The following FTO variants were observed in gnomAD, a reference collection of about 807,000 sequenced individuals.
FTO encodes alpha-ketoglutarate-dependent dioxygenase FTO.
In FTO, 47 loss-of-function variants were observed where a neutral mutation model predicts 63.9. That is an observed-to-expected ratio of 0.74 (90% CI 0.58 to 0.94). FTO has a LOEUF of 0.94. FTO is among the 40% of genes least tolerant of loss of function. The pLI is 0.00. For synonymous variants in FTO, 207 were observed against 224.4 expected (o/e 0.92, Z 0.69); for missense variants, 562 against 618.1 (o/e 0.91, Z 0.96).
chr16:54,061,096 T>G (rs1472331425), intron 8 of FTO, among the ~76,000 whole-genome samples: 3 of 152,220 alleles, frequency 2.0e-5, no homozygotes, highest in African/African-American at 7.2e-5. Flanking sequence ...TCGGAATCCC[T>G]TGAGGGTCCA....
chr16:54,060,999 T>C (rs76520767), intron 8 of FTO, among the ~76,000 whole-genome samples: 1 of 152,194 alleles, frequency 6.6e-6, no homozygotes, highest in African/African-American at 2.4e-5. Flanking sequence ...TGGCTTTCGA[T>C]GGGCAACAGA....
At chr16:54,108,633 G>A (rs2086809467) in intron 8 of FTO, among the ~76,000 whole-genome samples, 2 of 152,206 alleles carry the variant, frequency 1.3e-5, no homozygotes. Flanking sequence ...TGGAGTAGAA[G>A]TAACGATAGT....
chr16:53,862,423 A>C (rs997216704), intron 4 of FTO, among the ~76,000 whole-genome samples: 3 of 152,152 alleles, frequency 2.0e-5, no homozygotes, highest in African/African-American at 7.2e-5. Flanking sequence ...TTTTTAACAG[A>C]ATATGTTTAT....
intron 1 of FTO, among the ~76,000 whole-genome samples, chr16:53,763,091 A>G (rs1011734395): frequency 1.3e-5 from 2 of 152,230 alleles, no homozygotes; most frequent in African/African-American, 4.8e-5. Context: ...GAAAATTAAC[A>G]TAAAGGAAGA....
chr16:54,061,273 G>C (rs563657636), intron 8 of FTO, among the ~76,000 whole-genome samples: 3 of 152,282 alleles, frequency 2.0e-5, no homozygotes, highest in African/African-American at 7.2e-5. Flanking sequence ...TGGTTCTGCA[G>C]CCTTGTCCCT....
chr16:54,010,973 G>A (rs151078957), intron 8 of FTO, among the ~76,000 whole-genome samples: 16 of 152,262 alleles, frequency 1.1e-4, no homozygotes, highest in Admixed American at 7.2e-4. Flanking sequence ...GGATTTGGGC[G>A]TTTTAAAATC....
At chr16:53,781,487 T>C (rs1481926398) in intron 1 of FTO, among the ~76,000 whole-genome samples, 1 of 152,168 alleles carries the variant, frequency 6.6e-6, no homozygotes, top group Non-Finnish European at 1.5e-5. Flanking sequence ...CATTCAGTGG[T>C]GGAAGAAAAG....
intron 7 of FTO, among the ~76,000 whole-genome samples, chr16:53,893,268 C>T (rs2081197915): frequency 6.6e-6 from 1 of 152,140 alleles, no homozygotes; most frequent in African/African-American, 2.4e-5. Flanking sequence ...CACTATAATA[C>T]TATTCAAATA....
chr16:54,120,569 A>G lies in FTO; in HGVS notation c.*8654A>G, dbSNP rs1464402946. 1 of 152,216 alleles carries G rather than the reference A, an allele frequency of 6.6e-6. No individual in the cohort carries two copies. Among genetic ancestry groups the G allele is most frequent in the Non-Finnish European group, 1.5e-5 (1 of 68,032 alleles). 9.4% of individuals were successfully genotyped at this position (152,216 alleles called of 1,614,324 possible). A position where few individuals can be genotyped will look rare whatever the true frequency, so the allele number is the denominator to read the frequency against. ...GAAGTTTTTAATATGTCACACCCATATTTTATAGATGGGGCAATGGAAGTC... is the reference window on the plus strand; with the variant it reads ...GAAGTTTTTAATATGTCACACCCATGTTTTATAGATGGGGCAATGGAAGTC... On this transcript the variant is annotated 3_prime_UTR_variant, in exon 9 of 9. Coordinates refer to ENST00000471389, the MANE Select transcript of FTO (RefSeq NM_001080432.3).
At chr16:53,897,659 G>A (rs1361758539) in intron 7 of FTO, among the ~76,000 whole-genome samples, 1 of 152,152 alleles carries the variant, frequency 6.6e-6, no homozygotes, top group East Asian at 1.9e-4. Flanking sequence ...GGATGGGAGT[G>A]GTGGCATATA....
chr16:54,101,551 A>C (rs1481701924), intron 8 of FTO, among the ~76,000 whole-genome samples: 10 of 151,788 alleles, frequency 6.6e-5, no homozygotes, highest in African/African-American at 2.4e-4. Context: ...TATTTTCTTT[A>C]TTTAATCTTT....
At chr16:54,025,116 T>A (rs2084684529) in intron 8 of FTO, among the ~76,000 whole-genome samples, 1 of 152,068 alleles carries the variant, frequency 6.6e-6, no homozygotes, top group Non-Finnish European at 1.5e-5. Context: ...TCTGAAGGAG[T>A]TTAGTCTGGA....
rs544159587 is a variant in FTO at position 53,939,487 on chromosome 16, G to A, written c.1364+5378G>A. Reference sequence around the variant, plus strand: ...AAAATTGCATATAACAAAATTTATCGTTTTAAAGTGTACAGTTAAGTGATT... The same window carrying A: ...AAAATTGCATATAACAAAATTTATCATTTTAAAGTGTACAGTTAAGTGATT... On this transcript the variant is annotated intron_variant, in intron 8 of 8. Coordinates refer to ENST00000471389, the MANE Select transcript of FTO (RefSeq NM_001080432.3). Among the ~76,000 whole-genome samples, 10 of 152,238 alleles carry A rather than the reference G, an allele frequency of 6.6e-5. No homozygotes were observed. In the South Asian group the frequency reaches 1.7e-3, roughly 25 times the overall value.
chr16:53,893,533 TC>T, intron 7 of FTO, among the ~76,000 whole-genome samples: 1 of 152,294 alleles, frequency 6.6e-6, no homozygotes, highest in Non-Finnish European at 1.5e-5. Context: ...CTGGTATCGC[TC>T]TTTGCAAAAC....
chr16:53,830,212 A>G (rs2079108375), intron 3 of FTO, among the ~76,000 whole-genome samples: 1 of 152,206 alleles, frequency 6.6e-6, no homozygotes, highest in Non-Finnish European at 1.5e-5. Context: ...CGTTCTAGTT[A>G]ATAGATATCT....
At chr16:54,036,118 C>T (rs990607676) in intron 8 of FTO, among the ~76,000 whole-genome samples, 9 of 152,104 alleles carry the variant, frequency 5.9e-5, no homozygotes, top group African/African-American at 2.2e-4. Context: ...TAGATTAGAC[C>T]TTCAGATAGG....
intron 8 of FTO, among the ~76,000 whole-genome samples, chr16:53,985,568 A>G (rs138980911): frequency 4.1e-4 from 63 of 152,288 alleles, no homozygotes; most frequent in African/African-American, 1.5e-3. Flanking sequence ...AAGAAGAATA[A>G]ACAAAGGCAG....
intron 8 of FTO, among the ~76,000 whole-genome samples, chr16:53,963,199 A>G (rs974739014): frequency 2.0e-5 from 3 of 152,162 alleles, no homozygotes; most frequent in Non-Finnish European, 4.4e-5. Flanking sequence ...AAGTTGCTGT[A>G]TAATAGCTGC....
At chr16:54,068,544 C>T (rs750501132) in intron 8 of FTO, among the ~76,000 whole-genome samples, 3 of 152,162 alleles carry the variant, frequency 2.0e-5, no homozygotes, top group Non-Finnish European at 2.9e-5. Flanking sequence ...TGAAAAATAC[C>T]TATCTGCCCC....
Sources: allele counts gnomAD v4.1 joint callset (sites outside exome capture counted in the v4.1 genomes callset), GRCh38; gene constraint gnomAD v4.1.1; transcripts MANE v1.5; gene names NCBI Gene and HGNC (gene_info 2026-07-23, HGNC 2026-07-21).